Variants in PHTF2 observed in about 807,000 individuals in gnomAD.
The protein encoded by PHTF2 is protein PHTF2.
A neutral mutation model predicts 101.2 loss-of-function variants in PHTF2; 60 were observed. The ratio of observed to expected loss-of-function variants is 0.59; its 90% CI spans 0.48 to 0.73. PHTF2 has a LOEUF of 0.73. PHTF2 is among the 30% of genes least tolerant of loss of function. The pLI is 0.00. For missense variants in PHTF2, 747 were observed against 908.7 expected, an observed-to-expected ratio of 0.82 and a Z score of 2.29; for synonymous variants, 311 against 307.3, an observed-to-expected ratio of 1.01 and a Z score of -0.13.
exon 12 of PHTF2, chr7:77,929,129 T>C (rs1327872223): frequency 1.9e-6 from 3 of 1,613,654 alleles, no homozygotes; most frequent in Non-Finnish European, 2.5e-6. Flanking sequence ...AATCGGGTAC[T>C]AGTTGCAGCT....
intron 12 of PHTF2, among the ~76,000 whole-genome samples, chr7:77,933,379 G>C (rs1804787137): frequency 1.3e-5 from 2 of 152,226 alleles, no homozygotes; most frequent in African/African-American, 4.8e-5. Flanking sequence ...GGAAGGGACT[G>C]ATAAATTTAA....
chr7:77,925,495 G>GTTTTTTTTTTTTTTTTTTTT lies in PHTF2; in HGVS notation c.1119+2729_1119+2748dup, dbSNP rs58290945. Among the ~76,000 whole-genome samples, 23 of 73,166 alleles carry GTTTTTTTTTTTTTTTTTTTT rather than the reference G, an allele frequency of 3.1e-4. 1 individual carries two copies. The highest frequency in any genetic ancestry group is 1.3e-3 in the African/African-American group (22 of 17,300). The allele number at this position is 73,166 out of a possible 152,430, so 48.0% of individuals were successfully genotyped here. On this transcript the variant is annotated intron_variant, in intron 11 of 19. Coordinates refer to ENST00000416283, the Ensembl canonical transcript of PHTF2. Reference sequence around the variant, plus strand: ...GCAATTATAGGCAATAGTTTTTAGGGTTTTTTTTTTTTTTTTTTTTTTTTT... The same window carrying GTTTTTTTTTTTTTTTTTTTT: ...GCAATTATAGGCAATAGTTTTTAGGGTTTTTTTTTTTTTTTTTTTTTTTTTTTTTTTTTTTTTTTTTTTTT...
intron 3 of PHTF2, among the ~76,000 whole-genome samples, chr7:77,866,939 C>T (rs943264777): frequency 1.3e-5 from 2 of 152,086 alleles, no homozygotes; most frequent in African/African-American, 4.8e-5. Context: ...TAGGCATATA[C>T]ATTCTTTCCT....
exon 20 of PHTF2, chr7:77,954,911 C>T (rs1002691818): frequency 1.5e-6 from 2 of 1,314,856 alleles, no homozygotes; most frequent in East Asian, 2.4e-5. Flanking sequence ...AGCCTCTTTT[C>T]CAGAATAAGA....
At chr7:77,862,266 A>G (rs1797710463) in intron 3 of PHTF2, among the ~76,000 whole-genome samples, 2 of 152,170 alleles carry the variant, frequency 1.3e-5, no homozygotes, top group South Asian at 4.1e-4. Context: ...GTGTTAAGGC[A>G]CTATAATACA....
At chr7:77,832,016 A>T (rs1795113145) in intron 1 of PHTF2, among the ~76,000 whole-genome samples, 1 of 151,762 alleles carries the variant, frequency 6.6e-6, no homozygotes, top group Non-Finnish European at 1.5e-5. Flanking sequence ...GTTTTGAGTT[A>T]CAAGGTCTCT....
intron 3 of PHTF2, among the ~76,000 whole-genome samples, chr7:77,861,359 A>G (rs1318235719): frequency 6.6e-6 from 1 of 152,190 alleles, no homozygotes; most frequent in Non-Finnish European, 1.5e-5. Flanking sequence ...CTTACACTTA[A>G]TTCTACATGG....
At chr7:77,957,191 T>C (rs1223405604) in exon 20 of PHTF2, 1 of 152,038 alleles carries the variant, frequency 6.6e-6, no homozygotes, top group African/African-American at 2.4e-5. Flanking sequence ...TTGAAAGTTT[T>C]ACAGTAAGTT....
intron 1 of PHTF2, among the ~76,000 whole-genome samples, chr7:77,809,380 A>G (rs997785288): frequency 2.6e-5 from 4 of 151,660 alleles, no homozygotes. Flanking sequence ...GAACCTGCCA[A>G]CATGCCTGGG....
intron 3 of PHTF2, among the ~76,000 whole-genome samples, chr7:77,890,477 AC>A (rs1387890688): frequency 6.6e-6 from 1 of 152,056 alleles, no homozygotes; most frequent in Admixed American, 6.6e-5. Context: ...CAAGTTAGGC[AC>A]CCTTTTGTGT....
intron 9 of PHTF2, among the ~76,000 whole-genome samples, chr7:77,916,129 A>G (rs1416910524): frequency 6.6e-6 from 1 of 152,132 alleles, no homozygotes; most frequent in East Asian, 1.9e-4. Flanking sequence ...TTATTTTAAA[A>G]TCAAAATGCT....
In PHTF2 at chr7:77,953,816, G is replaced by C. The variant is rs752426948; in HGVS notation, c.2259G>C (p.Leu753=). The C allele has an allele frequency of 3.7e-6, 6 of 1,612,556 alleles. No individual in the cohort carries two copies. In the African/African-American group the frequency reaches 8.0e-5, roughly 22 times the overall value. ...TATATGGGCTTACAATGAATCCGCTGCTTTATAACATCACCCAGGTTGTTA... is the reference window on the plus strand; with the variant it reads ...TATATGGGCTTACAATGAATCCGCTCCTTTATAACATCACCCAGGTTGTTA... Residue 753 remains leucine, a synonymous_variant, in exon 19 of 20, where the codon CTG becomes CTC. Coordinates refer to ENST00000416283, the Ensembl canonical transcript of PHTF2.
intron 1 of PHTF2, among the ~76,000 whole-genome samples, chr7:77,815,033 C>T (rs1056457293): frequency 6.6e-6 from 1 of 151,892 alleles, no homozygotes; most frequent in Non-Finnish European, 1.5e-5. Flanking sequence ...GCTGATATCA[C>T]GCCCCTGCAG....
intron 1 of PHTF2, among the ~76,000 whole-genome samples, chr7:77,818,616 G>A (rs1794037959): frequency 6.6e-6 from 1 of 152,164 alleles, no homozygotes; most frequent in Admixed American, 6.5e-5. Flanking sequence ...ACTGATCTAT[G>A]TGTCTGTTTT....
exon 20 of PHTF2, chr7:77,954,872 G>A (rs2151006082): frequency 6.6e-7 from 1 of 1,505,454 alleles, no homozygotes; most frequent in Non-Finnish European, 9.1e-7. Flanking sequence ...GGAAGATTAA[G>A]TCATGACAAT....
chr7:77,847,855 C>T (rs1281224666), intron 2 of PHTF2, among the ~76,000 whole-genome samples: 1 of 152,188 alleles, frequency 6.6e-6, no homozygotes, highest in Non-Finnish European at 1.5e-5. Flanking sequence ...TGTTTCCCAT[C>T]CCTACTACCC....
chr7:77,922,593 T>G, intron 10 of PHTF2, 30 bp from the exon 10 acceptor site: 1 of 1,569,450 alleles, frequency 6.4e-7, no homozygotes, highest in South Asian at 1.2e-5. Context: ...AGAAATTACC[T>G]ATAATCCTCT....
At chr7:77,824,206 A>G (rs1237324110) in intron 1 of PHTF2, among the ~76,000 whole-genome samples, 1 of 151,848 alleles carries the variant, frequency 6.6e-6, no homozygotes, top group African/African-American at 2.4e-5. Flanking sequence ...TTGTTGGAAA[A>G]TTGAGCAGAT....
rs71082798 is a variant in PHTF2 at position 77,947,837 on chromosome 7, C to CTTTTTTT, written c.1960-1829_1960-1823dup. Reference sequence around the variant, plus strand: ...TTATTTTCTTTTTTCTTTTTTCTTTCTTTTTTTTTTTTTTTTTTGAGACAG... The same window carrying CTTTTTTT: ...TTATTTTCTTTTTTCTTTTTTCTTTCTTTTTTTTTTTTTTTTTTTTTTTTTGAGACAG... On this transcript the variant is annotated intron_variant, in intron 16 of 19. Transcript: ENST00000416283. Among the ~76,000 whole-genome samples the CTTTTTTT allele has an allele frequency of 5.1e-3, 375 of 73,774 alleles. 57 individuals carry two copies. The highest frequency in any genetic ancestry group is 0.017 in the African/African-American group (297 of 17,462). 48.4% of individuals were successfully genotyped at this position (73,774 alleles called of 152,430 possible).
Sources: allele counts gnomAD v4.1 joint callset (sites outside exome capture counted in the v4.1 genomes callset), GRCh38; gene constraint gnomAD v4.1.1; transcripts MANE v1.5; gene names NCBI Gene and HGNC (gene_info 2026-07-23, HGNC 2026-07-21).